The following VOPP1 variants were observed in gnomAD, a reference collection of about 807,000 sequenced individuals.
VOPP1 encodes the protein VOPP1 WW domain binding protein, also known as WW domain binding protein VOPP1.
In VOPP1, 8 loss-of-function variants were observed where a neutral mutation model predicts 23.5. The ratio of observed to expected loss-of-function variants is 0.34; its 90% confidence interval spans 0.20 to 0.61. The LOEUF (loss-of-function observed/expected upper bound fraction) is 0.61, where lower values mean the gene tolerates loss of function less well. Ranked by LOEUF, VOPP1 falls within the 20% of genes least tolerant of loss-of-function variation. The pLI, the probability that VOPP1 is intolerant of heterozygous loss-of-function variation, is 0.78. For synonymous variants in VOPP1, 83 were observed against 97.3 expected (o/e 0.85, Z 0.86); for missense variants, 174 against 238.1 (o/e 0.73, Z 1.77).
downstream of VOPP1, among the ~76,000 whole-genome samples, chr7:55,469,197 C>T (rs1036933722): frequency 7.9e-5 from 12 of 152,016 alleles, no homozygotes; most frequent in African/African-American, 2.9e-4. Flanking sequence ...GGACGATTGT[C>T]GGGAAGCCTT....
intron 1 of VOPP1, chr7:55,521,746 G>T: frequency 1.1e-5 from 11 of 986,498 alleles, no homozygotes; most frequent in Non-Finnish European, 1.3e-5. Flanking sequence ...GGGCAGGGCA[G>T]GGCAGGGCAG....
intron 4 of VOPP1, among the ~76,000 whole-genome samples, chr7:55,475,082 T>C (rs375523231): frequency 6.6e-6 from 1 of 151,898 alleles, no homozygotes; most frequent in African/African-American, 2.4e-5. Flanking sequence ...GTGAAGACTG[T>C]AGGAGGGGAC....
intron 4 of VOPP1, among the ~76,000 whole-genome samples, chr7:55,490,435 G>T (rs1206298367): frequency 6.6e-6 from 1 of 152,122 alleles, no homozygotes; most frequent in African/African-American, 2.4e-5. Flanking sequence ...GCATGCCAGG[G>T]TTCAAAAGAA....
At chr7:55,511,493 T>C (rs1795068369) in intron 2 of VOPP1, among the ~76,000 whole-genome samples, 1 of 152,174 alleles carries the variant, frequency 6.6e-6, no homozygotes, top group Non-Finnish European at 1.5e-5. Context: ...GGAGCACAGC[T>C]TAAAATTTTA....
At chr7:55,495,274 AC>A (rs1330482283) in intron 3 of VOPP1, among the ~76,000 whole-genome samples, 2 of 151,710 alleles carry the variant, frequency 1.3e-5, no homozygotes, top group African/African-American at 4.9e-5. Context: ...TTCCATCCAG[AC>A]CTCCTTGGTG....
chr7:55,542,422 C>G (rs1020350540), intron 1 of VOPP1, among the ~76,000 whole-genome samples: 2 of 152,346 alleles, frequency 1.3e-5, no homozygotes, highest in African/African-American at 4.8e-5. Context: ...TCCCCACTAC[C>G]CTTTCCAGCC....
chr7:55,451,463 T>C (rs1791241781), intron 4 of VOPP1, among the ~76,000 whole-genome samples: 2 of 152,210 alleles, frequency 1.3e-5, no homozygotes, highest in African/African-American at 4.8e-5. Context: ...CAGCATTATG[T>C]CTAAAAGCCA....
chr7:55,520,341 T>C (rs116111029), intron 2 of VOPP1, among the ~76,000 whole-genome samples: 1,561 of 152,288 alleles, frequency 0.01, 32 homozygotes, highest in African/African-American at 0.036. Context: ...AAAATTTGGT[T>C]AGGGCATTCG....
rs546324229 is a variant in VOPP1 at position 55,490,286 on chromosome 7, G to T, written c.328+1996C>A. Among the ~76,000 whole-genome samples, 519 of 152,276 alleles carry T rather than the reference G, an allele frequency of 3.4e-3. 2 individuals carry two copies. The highest frequency in any genetic ancestry group is 0.024 in the Middle Eastern group (7 of 294). ...TGCTCCAGGGTGAGATAAGGGATGT[G>T]GCAGATCTAATCGCCTGGTTGCTGG... On this transcript the variant is annotated intron_variant, in intron 4 of 4. Coordinates refer to ENST00000285279, the MANE Select transcript of VOPP1 (RefSeq NM_030796.5).
At chr7:55,475,095 G>A (rs1289437697) in intron 4 of VOPP1, among the ~76,000 whole-genome samples, 67 of 152,236 alleles carry the variant, frequency 4.4e-4, no homozygotes, top group African/African-American at 1.4e-3. Context: ...GAGGGGACGG[G>A]TGGCAGCTGG....
At chr7:55,563,017 T>A (rs1258952056) in intron 1 of VOPP1, among the ~76,000 whole-genome samples, 1 of 152,224 alleles carries the variant, frequency 6.6e-6, no homozygotes. Context: ...TCCTCGTCCA[T>A]CTCACTCAGA....
chr7:55,553,033 G>T (rs966074116), intron 1 of VOPP1, among the ~76,000 whole-genome samples: 3 of 152,210 alleles, frequency 2.0e-5, no homozygotes, highest in Non-Finnish European at 2.9e-5. Context: ...CTGAGTTTCA[G>T]TGTTATTGCT....
At chr7:55,545,081 A>AT (rs1797308151) in intron 1 of VOPP1, among the ~76,000 whole-genome samples, 1 of 152,252 alleles carries the variant, frequency 6.6e-6, no homozygotes. Flanking sequence ...AACCAGCTAA[A>AT]TAAGAGTTGA....
intron 1 of VOPP1, among the ~76,000 whole-genome samples, chr7:55,541,963 C>A (rs555440067): frequency 2.0e-5 from 3 of 152,114 alleles, no homozygotes; most frequent in Non-Finnish European, 4.4e-5. Flanking sequence ...CTAGGAGGAA[C>A]AAAATATTCC....
intron 1 of VOPP1, among the ~76,000 whole-genome samples, chr7:55,547,686 A>G (rs1208122470): frequency 6.6e-6 from 1 of 152,186 alleles, no homozygotes; most frequent in African/African-American, 2.4e-5. Context: ...GCTTTGAGAT[A>G]AAGAAACTTT....
At chr7:55,534,512 T>G (rs1182038555) in intron 1 of VOPP1, among the ~76,000 whole-genome samples, 1 of 152,346 alleles carries the variant, frequency 6.6e-6, no homozygotes. Context: ...GGCTCAGTAC[T>G]TTCCCCCAAC....
At chr7:55,454,767 T>C (rs1304874129) in intron 4 of VOPP1, among the ~76,000 whole-genome samples, 1 of 152,134 alleles carries the variant, frequency 6.6e-6, no homozygotes, top group Admixed American at 6.5e-5. Context: ...TGATAAAAAC[T>C]CTCAATAAAC....
At chr7:55,496,483 G>A (rs1793960596) in intron 3 of VOPP1, among the ~76,000 whole-genome samples, 1 of 152,268 alleles carries the variant, frequency 6.6e-6, no homozygotes, top group Non-Finnish European at 1.5e-5. Flanking sequence ...CCTCTGCAGT[G>A]TGGGGACCTG....
At chr7:55,524,358 TAAAC>T (rs1463945749) in intron 1 of VOPP1, among the ~76,000 whole-genome samples, 1 of 152,246 alleles carries the variant, frequency 6.6e-6, no homozygotes, top group Non-Finnish European at 1.5e-5. Context: ...AAAGCACCTT[TAAAC>T]AGAGTTACCT....
Sources: gnomAD v4.1 joint callset for allele counts (sites outside exome capture counted in the v4.1 genomes callset) on GRCh38, gnomAD v4.1.1 for gene constraint, MANE v1.5 for transcripts, NCBI Gene and HGNC (gene_info 2026-07-23, HGNC 2026-07-21) for gene names.